Variants in PRDM1 observed in about 807,000 individuals in gnomAD.
PRDM1 encodes the protein PR domain zinc finger protein 1.
In PRDM1, 13 loss-of-function variants were observed where a neutral mutation model predicts 62.8. The ratio of observed to expected loss-of-function variants is 0.21; its 90% confidence interval spans 0.13 to 0.33. The LOEUF is 0.33. Among genes scored for constraint, PRDM1 ranks in the 10% least tolerant of loss-of-function variants. The pLI is 1.00. For missense variants in PRDM1, 895 were observed against 1,058.8 expected (o/e 0.85, Z 2.15); for synonymous variants, 396 against 417.6 (o/e 0.95, Z 0.63).
At chr6:106,055,806 C>T (rs1037421697) in intron 1 of PRDM1, among the ~76,000 whole-genome samples, 3 of 152,130 alleles carry the variant, frequency 2.0e-5, no homozygotes, top group East Asian at 1.9e-4. Flanking sequence ...CTCTGGTCCC[C>T]GACTCTAGAT....
rs144524449 is a variant in PRDM1, at chr6:106,105,382, G to C, written c.1222G>C (p.Ala408Pro). ...LPPAFIPSYN[A>P]HYPKFLLPPY... ...GCCAGCTTTCATCCCCTCGTACAAC[G>C]CTCACTACCCCAAGTTCCTCTTGCC... The change falls in exon 5 of 7, where the codon GCT becomes CCT. Residue 408 changes from alanine to proline, a missense_variant. Ala to Pro is a conservative substitution (Grantham distance 27, BLOSUM62 -1). Transcript: ENST00000369096. 894 of 1,613,926 alleles carry C rather than the reference G, an allele frequency of 5.5e-4. 3 individuals carry two copies. In the Middle Eastern group the frequency reaches 5.8e-3, roughly 10 times the overall value.
At chr6:105,996,417 G>T (rs917395523) in intron 1 of PRDM1, among the ~76,000 whole-genome samples, 4 of 152,080 alleles carry the variant, frequency 2.6e-5, no homozygotes, top group African/African-American at 9.7e-5. Context: ...AATATATCCA[G>T]TTCTTAATTC....
At chr6:106,045,259 C>A (rs1251768412), upstream of PRDM1, among the ~76,000 whole-genome samples, 3 of 151,840 alleles carry the variant, frequency 2.0e-5, no homozygotes, top group Non-Finnish European at 2.9e-5. Flanking sequence ...TTGCACAAGT[C>A]GCAGAGGGCA....
chr6:106,002,888 C>T (rs946242680), intron 1 of PRDM1, among the ~76,000 whole-genome samples: 2 of 152,086 alleles, frequency 1.3e-5, no homozygotes, highest in African/African-American at 4.8e-5. Flanking sequence ...TGTGTGTGGC[C>T]AAGAGAGGAG....
In PRDM1 at chr6:106,088,214, G is replaced by A. The variant is rs2114617289; in HGVS notation, c.56G>A (p.Cys19Tyr). 1 of 1,611,360 alleles carries A rather than the reference G, an allele frequency of 6.2e-7. No individual in the cohort carries two copies. The highest frequency in any genetic ancestry group is 8.5e-7 in the Non-Finnish European group (1 of 1,178,696). The part of the protein sequence containing the change: ...RVGTTLAAPK[C>Y]NSSTVRFQGL... ...TTTCTCTTCCAGGCTGCCCCCAAGT[G>A]TAACTCCAGCACTGTGAGGTTTCAG... The change falls in exon 2 of 7, where the codon TGT (cysteine) becomes TAT (tyrosine). Residue 19 changes from cysteine (C) to tyrosine (Y), a missense_variant. Transcript: ENST00000369096.
chr6:106,029,411 C>G (rs925377181), intron 1 of PRDM1, among the ~76,000 whole-genome samples: 1 of 152,182 alleles, frequency 6.6e-6, no homozygotes, highest in African/African-American at 2.4e-5. Flanking sequence ...ACTGAATTGC[C>G]TGAGCATCTT....
At chr6:106,087,495 C>A (rs1773839413) in intron 1 of PRDM1, 1 of 232,470 alleles carries the variant, frequency 4.3e-6, no homozygotes, top group South Asian at 1.8e-4. Flanking sequence ...GGCTGTTTTC[C>A]CCTTCACCCA....
intron 3 of PRDM1, chr6:106,098,513 T>G (rs939370168): frequency 4.1e-6 from 5 of 1,233,138 alleles, no homozygotes; most frequent in African/African-American, 1.6e-5. Flanking sequence ...CCTATGGCTC[T>G]GTGTGTGGTG....
intron 1 of PRDM1, among the ~76,000 whole-genome samples, chr6:106,069,615 C>T (rs147050405): frequency 4.8e-4 from 73 of 152,324 alleles, no homozygotes; most frequent in South Asian, 1.9e-3. Flanking sequence ...GCTCAGATAC[C>T]GTGGAGAAAG....
At chr6:106,104,732 C>G in intron 4 of PRDM1, 93 bp from the exon 5 acceptor site, 1 of 1,427,582 alleles carries the variant, frequency 7.0e-7, no homozygotes, top group African/African-American at 1.4e-5. Flanking sequence ...CCAGCTGTTA[C>G]TCAGGTTTTC....
upstream of PRDM1, among the ~76,000 whole-genome samples, chr6:105,993,297 C>G (rs1772302462): frequency 6.6e-6 from 1 of 152,180 alleles, no homozygotes; most frequent in South Asian, 2.1e-4. Flanking sequence ...TCCCCAAAAT[C>G]CACCACGAAA....
At chr6:106,003,352 C>A (rs1772449750) in intron 1 of PRDM1, among the ~76,000 whole-genome samples, 1 of 152,106 alleles carries the variant, frequency 6.6e-6, no homozygotes, top group Admixed American at 6.6e-5. Flanking sequence ...ATTTAGTTAA[C>A]CCTCAGGGTG....
rs1433008476 is a variant in PRDM1 at position 106,107,506 on chromosome 6, T to C, written c.*20T>C. The C allele has an allele frequency of 1.9e-6, 3 of 1,570,882 alleles. No individual in the cohort carries two copies. The highest frequency in any genetic ancestry group is 1.2e-5 in the South Asian group (1 of 85,870). On this transcript the variant is annotated 3_prime_UTR_variant, in exon 7 of 7. Coordinates refer to ENST00000369096, the MANE Select transcript of PRDM1 (RefSeq NM_001198.4). ...CCTTAAGATTTTCAGAAAACACTTATTTTGTTTCTTAAGTTATGACTTGGT... is the reference window on the plus strand; with the variant it reads ...CCTTAAGATTTTCAGAAAACACTTACTTTGTTTCTTAAGTTATGACTTGGT...
upstream of PRDM1, among the ~76,000 whole-genome samples, chr6:106,083,813 AC>A (rs1773739181): frequency 6.6e-6 from 1 of 152,158 alleles, no homozygotes; most frequent in Non-Finnish European, 1.5e-5. Context: ...TTAGAAACAA[AC>A]CCTTTGAGAC....
chr6:106,089,416 C>A (rs2114620144), intron 2 of PRDM1, among the ~76,000 whole-genome samples: 1 of 152,192 alleles, frequency 6.6e-6, no homozygotes, highest in Non-Finnish European at 1.5e-5. Context: ...GGGACTATTC[C>A]TTACAGCCGT....
At chr6:106,043,628 C>T (rs1182211880), upstream of PRDM1, among the ~76,000 whole-genome samples, 3 of 152,134 alleles carry the variant, frequency 2.0e-5, no homozygotes, top group Admixed American at 1.3e-4. Context: ...CCGCCTCTCC[C>T]GGGTTCAAGC....
intron 1 of PRDM1, among the ~76,000 whole-genome samples, chr6:106,050,746 A>G (rs1473172800): frequency 2.6e-5 from 4 of 152,218 alleles, no homozygotes; most frequent in Admixed American, 2.6e-4. Flanking sequence ...GTCAGTACTT[A>G]GGTGGATTTT....
chr6:106,008,003 T>A (rs1772502749), intron 1 of PRDM1, among the ~76,000 whole-genome samples: 1 of 152,348 alleles, frequency 6.6e-6, no homozygotes, highest in African/African-American at 2.4e-5. Flanking sequence ...CTCCAGAACC[T>A]CTAATGGCTT....
At chr6:106,020,727 A>T (rs1001942192) in intron 1 of PRDM1, among the ~76,000 whole-genome samples, 1 of 152,238 alleles carries the variant, frequency 6.6e-6, no homozygotes, top group African/African-American at 2.4e-5. Context: ...GTTTGTCCTA[A>T]TTCATAGAAC....
Sources: allele counts gnomAD v4.1 joint callset (sites outside exome capture counted in the v4.1 genomes callset), GRCh38; gene constraint gnomAD v4.1.1; transcripts MANE v1.5; gene names NCBI Gene and HGNC (gene_info 2026-07-23, HGNC 2026-07-21).